The following PARD3B variants were observed in gnomAD, a reference collection of about 807,000 sequenced individuals.
PARD3B encodes the protein par-3 family cell polarity regulator beta, also known as partitioning defective 3 homolog B.
A neutral mutation model predicts 130.2 loss-of-function variants in PARD3B; 103 were observed. The ratio of observed to expected loss-of-function variants is 0.79; its 90% CI spans 0.67 to 0.93. The LOEUF is 0.93. Among genes scored for constraint, PARD3B ranks in the 40% least tolerant of loss-of-function variants. The pLI, the probability that PARD3B is intolerant of heterozygous loss-of-function variation, is 0.00. For synonymous variants in PARD3B, 583 were observed against 553.2 expected, an observed-to-expected ratio of 1.05 and a Z score of -0.76; for missense variants, 1,609 against 1,499.2, an observed-to-expected ratio of 1.07 and a Z score of -1.21.
At position 205,568,012 on chromosome 2, in the gene PARD3B, A is replaced by G. The variant is rs7569350; in HGVS notation, c.3260+14609A>G. Among the ~76,000 whole-genome samples, 96,811 of 151,974 alleles carry G rather than the reference A, an allele frequency of 0.64. 31,113 individuals are homozygous for G. Among genetic ancestry groups the G allele is most frequent in the Middle Eastern group, 0.77 (227 of 294 alleles). ...TTGGTCCCATTTGTCATTGGTTAAGAGTTGTTCCTAAGATATCAACTCCCC... is the reference window on the plus strand; with the variant it reads ...TTGGTCCCATTTGTCATTGGTTAAGGGTTGTTCCTAAGATATCAACTCCCC... On this transcript the variant is annotated intron_variant, in intron 22 of 22. Transcript: ENST00000406610. This position sits in a 1 kb window ranked among gnomAD's most constrained non-coding sequence, Gnocchi z 5.3.
In PARD3B at chr2:205,158,746, C is replaced by T; in HGVS notation, c.1459C>T (p.Leu487Phe). The change falls in exon 11 of 23, where the codon CTC becomes TTC. Residue 487 changes from leucine to phenylalanine, a missense_variant. By Grantham distance (22) the Leu-to-Phe change is conservative. Transcript: ENST00000406610. This position sits in a 1 kb window ranked among gnomAD's most constrained non-coding sequence, Gnocchi z 5.4. ...GAAAGGAGAACCTGACTGCTGTGCA[C>T]TCTCTCTGGAGACAAGCGAGCAGCT... ...ELKGEPDCCA[L>F]SLETSEQLTF... The T allele has an allele frequency of 1.2e-6, 2 of 1,614,010 alleles. No homozygotes were observed. The highest frequency in any genetic ancestry group is 1.7e-6 in the Non-Finnish European group (2 of 1,179,944).
chr2:204,661,532 T>C (rs879760701), intron 1 of PARD3B, among the ~76,000 whole-genome samples: 15 of 152,220 alleles, frequency 9.9e-5, no homozygotes, highest in Non-Finnish European at 1.8e-4. Context: ...CCATCTGGAA[T>C]ACAGTACTCT....
intron 3 of PARD3B, among the ~76,000 whole-genome samples, chr2:205,020,409 A>G (rs965333838): frequency 1.1e-4 from 16 of 152,172 alleles, no homozygotes; most frequent in Admixed American, 7.2e-4. Flanking sequence ...GATATTGCAC[A>G]TAAAACTAGA....
At chr2:205,190,935 A>G (rs1158730057) in intron 14 of PARD3B, among the ~76,000 whole-genome samples, 3 of 152,170 alleles carry the variant, frequency 2.0e-5, no homozygotes, top group South Asian at 2.1e-4. Context: ...AGGCCAGGCT[A>G]GTGTCAATAA....
At chr2:204,708,102 A>C (rs948998233) in intron 2 of PARD3B, among the ~76,000 whole-genome samples, 1 of 152,174 alleles carries the variant, frequency 6.6e-6, no homozygotes, top group African/African-American at 2.4e-5. Flanking sequence ...TCTGTGACTG[A>C]GGGAACCTGT....
At chr2:205,555,435 TAA>T (rs1222572506) in intron 22 of PARD3B, among the ~76,000 whole-genome samples, 2 of 152,326 alleles carry the variant, frequency 1.3e-5, no homozygotes, top group African/African-American at 4.8e-5. Context: ...TTGTAATTAT[TAA>T]AGTCTTCTGA....
At chr2:205,016,535 C>A (rs1696162757) in intron 3 of PARD3B, among the ~76,000 whole-genome samples, 1 of 152,152 alleles carries the variant, frequency 6.6e-6, no homozygotes, top group Admixed American at 6.6e-5. Flanking sequence ...AGGATCATTT[C>A]TTTCCAAGGA....
chr2:205,233,978 A>G (rs562362361), intron 15 of PARD3B, among the ~76,000 whole-genome samples: 1 of 152,244 alleles, frequency 6.6e-6, no homozygotes, highest in African/African-American at 2.4e-5. Context: ...TAAGATATAC[A>G]TAATAACAAA....
rs1235528189 is a variant in PARD3B at position 204,546,227 on chromosome 2, A to C, written c.120+108A>C. On this transcript the variant is annotated intron_variant, in intron 1 of 22. Coordinates refer to ENST00000406610, the MANE Select transcript of PARD3B (RefSeq NM_001302769.2). ...CAGAAAACCCAGGGGATTATGGGGCACTGCCTGTAGCTGCAGCTGTTGTCT... is the reference window on the plus strand; with the variant it reads ...CAGAAAACCCAGGGGATTATGGGGCCCTGCCTGTAGCTGCAGCTGTTGTCT... The C allele has an allele frequency of 2.8e-6, 4 of 1,444,472 alleles. No homozygotes were observed. The African/African-American group carries it at 4.2e-5, about 15-fold the overall frequency. The allele number at this position is 1,444,472 out of a possible 1,614,324, so 89.5% of individuals were successfully genotyped here. A position where few individuals can be genotyped will look rare whatever the true frequency, so the allele number is the denominator to read the frequency against.
At chr2:204,838,742 A>G (rs1467478348) in intron 2 of PARD3B, among the ~76,000 whole-genome samples, 1 of 152,242 alleles carries the variant, frequency 6.6e-6, no homozygotes, top group Non-Finnish European at 1.5e-5. Flanking sequence ...GAAAAGAGAA[A>G]TATTTGAGAT....
rs2044629138 is a variant in PARD3B at position 205,366,853 on chromosome 2, G to T, written c.2631-34160G>T. The stretch of plus-strand genomic sequence containing the variant: ...AACTGGTGATGCTGTACCGCCACAG[G>T]TGTCAGCAGCAATAACTGGGCCTAG... On this transcript the variant is annotated intron_variant, in intron 18 of 22. Coordinates refer to ENST00000406610, the MANE Select transcript of PARD3B (RefSeq NM_001302769.2). The surrounding 1 kb of genome is among the most constrained non-coding windows in gnomAD (Gnocchi z 5.0). 2.6e-5 allele frequency among the ~76,000 whole-genome samples: 4 copies of T among 152,194 alleles called. No individual in the cohort carries two copies. Among genetic ancestry groups the T allele is most frequent in the Admixed American group, 2.6e-4 (4 of 15,280 alleles).
intron 20 of PARD3B, among the ~76,000 whole-genome samples, chr2:205,493,759 T>G (rs139653033): frequency 0.07 from 10,520 of 149,354 alleles, 523 homozygotes; most frequent in African/African-American, 0.13. Context: ...TATTTATTTA[T>G]TTATTTATTT....
chr2:205,486,881 T>C (rs573416529), intron 20 of PARD3B, among the ~76,000 whole-genome samples: 1 of 152,254 alleles, frequency 6.6e-6, no homozygotes, highest in South Asian at 2.1e-4. Context: ...TTGGATTAAT[T>C]GTTATGACCT....
At chr2:205,552,770 G>C (rs775747404) in intron 21 of PARD3B, among the ~76,000 whole-genome samples, 2 of 151,980 alleles carry the variant, frequency 1.3e-5, no homozygotes, top group African/African-American at 2.4e-5. Context: ...CTATAATGGC[G>C]TGAAAACTAA....
At chr2:205,163,433 T>A (rs1255057714) in intron 11 of PARD3B, among the ~76,000 whole-genome samples, 5 of 152,216 alleles carry the variant, frequency 3.3e-5, no homozygotes, top group Non-Finnish European at 1.5e-5. Context: ...GCACTCAGAA[T>A]ATGAAATAGA....
intron 3 of PARD3B, 62 bp from the exon 4 acceptor site, chr2:205,047,519 T>C: frequency 1.0e-6 from 1 of 972,032 alleles, no homozygotes. Flanking sequence ...AAGTGCATTG[T>C]GTCATGCACT....
At chr2:204,692,858 A>G (rs1230803241) in intron 2 of PARD3B, among the ~76,000 whole-genome samples, 2 of 152,088 alleles carry the variant, frequency 1.3e-5, no homozygotes, top group African/African-American at 2.4e-5. Context: ...ACAAGACCTC[A>G]ACAGTCATGT....
At chr2:205,171,546 C>T (rs1250435835) in intron 11 of PARD3B, among the ~76,000 whole-genome samples, 1 of 152,206 alleles carries the variant, frequency 6.6e-6, no homozygotes, top group Non-Finnish European at 1.5e-5. Context: ...GTTGAAAGTA[C>T]TCATTCATCA....
intron 19 of PARD3B, among the ~76,000 whole-genome samples, chr2:205,432,385 C>A (rs1389643952): frequency 4.6e-5 from 7 of 152,128 alleles, no homozygotes; most frequent in Admixed American, 6.5e-5. Context: ...TTGCTTCCCA[C>A]CTCACTGAGA....
Sources: allele counts gnomAD v4.1 joint callset (sites outside exome capture counted in the v4.1 genomes callset), GRCh38; gene constraint gnomAD v4.1.1; non-coding constraint Gnocchi (gnomAD v3.1); transcripts MANE v1.5; gene names NCBI Gene and HGNC (gene_info 2026-07-23, HGNC 2026-07-21).